Variants in STXBP3 observed in about 807,000 individuals in gnomAD.
The protein encoded by STXBP3 is syntaxin binding protein 3.
A neutral mutation model predicts 85.7 loss-of-function variants in STXBP3; 41 were observed. The observed-to-expected ratio is 0.48, with a 90% confidence interval of 0.37 to 0.62. The LOEUF is 0.62. STXBP3 is among the 20% of genes least tolerant of loss of function. The pLI is 0.00. For missense variants in STXBP3, 563 were observed against 703.1 expected, an observed-to-expected ratio of 0.80 and a Z score of 2.25; for synonymous variants, 229 against 231.7, an observed-to-expected ratio of 0.99 and a Z score of 0.10.
intron 1 of STXBP3, 106 bp from the exon 2 acceptor site, chr1:108,752,142 TTTTATGTAG>T (rs1393194537): frequency 8.9e-6 from 8 of 898,538 alleles, no homozygotes; most frequent in African/African-American, 1.7e-5. Context: ...TATGTATGCT[TTTTATGTAG>T]TTTAACAAAT....
chr1:108,795,386 G>A (rs1385023849), intron 13 of STXBP3, among the ~76,000 whole-genome samples: 1 of 151,870 alleles, frequency 6.6e-6, no homozygotes, highest in African/African-American at 2.4e-5. Flanking sequence ...GAATAAGTTG[G>A]GTGCAGTGGT....
chr1:108,747,182 T>C (rs7553437), intron 1 of STXBP3, among the ~76,000 whole-genome samples: 107,190 of 151,870 alleles, frequency 0.71, 38,808 homozygotes, highest in Non-Finnish European at 0.77. Context: ...CCGAGACAAT[T>C]CGGGCGCTGT....
chr1:108,805,419 ATTTTTTT>A (rs34972308), intron 17 of STXBP3, among the ~76,000 whole-genome samples: 1 of 114,326 alleles, frequency 8.7e-6, no homozygotes, highest in African/African-American at 3.3e-5. Context: ...CTAGATTCAG[ATTTTTTT>A]TTTTTTTTTT....
At chr1:108,788,474 C>T (rs535569450) in intron 11 of STXBP3, among the ~76,000 whole-genome samples, 2 of 152,282 alleles carry the variant, frequency 1.3e-5, no homozygotes, top group South Asian at 2.1e-4. Context: ...ATTGTTACTG[C>T]TTGTTCTATT....
intron 11 of STXBP3, 110 bp from the exon 12 acceptor site, chr1:108,793,472 T>C: frequency 1.1e-6 from 1 of 937,696 alleles, no homozygotes; most frequent in Non-Finnish European, 1.6e-6. Flanking sequence ...TTGTCAAATA[T>C]TCAGTAAATT....
chr1:108,793,721 AT>A, intron 12 of STXBP3, 74 bp downstream of exon 12: 1 of 1,316,216 alleles, frequency 7.6e-7, no homozygotes, highest in Non-Finnish European at 1.1e-6. Context: ...CTGTAGTTCG[AT>A]TTAGCAGTGG....
chr1:108,767,854 T>G (rs978655715), intron 6 of STXBP3, among the ~76,000 whole-genome samples: 2 of 152,080 alleles, frequency 1.3e-5, no homozygotes, highest in Non-Finnish European at 2.9e-5. Flanking sequence ...CCCAAAGTGC[T>G]GGGACAGGCA....
chr1:108,754,479 G>A (rs1661978651), intron 3 of STXBP3, among the ~76,000 whole-genome samples: 1 of 152,174 alleles, frequency 6.6e-6, no homozygotes, highest in African/African-American at 2.4e-5. Context: ...AGCCACTTAA[G>A]TTTTTTAAGT....
intron 13 of STXBP3, among the ~76,000 whole-genome samples, chr1:108,795,887 C>T (rs535321050): frequency 1.8e-3 from 275 of 152,130 alleles, no homozygotes; most frequent in African/African-American, 5.3e-3. Flanking sequence ...TTTTTTGAGA[C>T]GGAGTTTCGC....
At chr1:108,782,099 C>CGTTA (rs1237201282) in intron 9 of STXBP3, 1 of 211,372 alleles carries the variant, frequency 4.7e-6, no homozygotes, top group Non-Finnish European at 9.4e-6. Flanking sequence ...GAACACAAAG[C>CGTTA]GTTAGTATAT....
At chr1:108,774,524 G>C (rs896664656) in intron 7 of STXBP3, among the ~76,000 whole-genome samples, 1 of 151,590 alleles carries the variant, frequency 6.6e-6, no homozygotes, top group African/African-American at 2.4e-5. Flanking sequence ...TTAGTACTTA[G>C]AAAAAGTATA....
chr1:108,768,019 C>A (rs533033579), intron 6 of STXBP3, among the ~76,000 whole-genome samples: 6 of 152,276 alleles, frequency 3.9e-5, no homozygotes, highest in Admixed American at 1.3e-4. Context: ...AATTTTTTAG[C>A]TGGGCATATA....
In STXBP3 at chr1:108,771,758, C is replaced by A. The variant is rs1381234806; in HGVS notation, c.439-907C>A. Among the ~76,000 whole-genome samples, 14 of 25,076 alleles carry A rather than the reference C, an allele frequency of 5.6e-4. 4 individuals carry two copies. The highest frequency in any genetic ancestry group is 1.1e-3 in the Non-Finnish European group (12 of 11,270). 16.5% of individuals were successfully genotyped at this position (25,076 alleles called of 152,430 possible). A position where few individuals can be genotyped will look rare whatever the true frequency, so the allele number is the denominator to read the frequency against. On this transcript the variant is annotated intron_variant, in intron 6 of 18. Coordinates refer to ENST00000370008, the MANE Select transcript of STXBP3 (RefSeq NM_007269.4). The stretch of plus-strand genomic sequence containing the variant: ...TATCATATATAAATATATATGATAT[C>A]TATCTATATATCATATATAAATATA...
intron 8 of STXBP3, among the ~76,000 whole-genome samples, 184 bp from the exon 9 acceptor site, chr1:108,779,102 T>C (rs1662659214): frequency 6.6e-6 from 1 of 152,210 alleles, no homozygotes; most frequent in Non-Finnish European, 1.5e-5. Flanking sequence ...CTCAGATTTT[T>C]CTTTGTTTTA....
At chr1:108,775,286 A>G (rs532655793) in intron 7 of STXBP3, among the ~76,000 whole-genome samples, 5 of 152,008 alleles carry the variant, frequency 3.3e-5, no homozygotes, top group African/African-American at 7.2e-5. Context: ...TTTTTCTTAA[A>G]TAATTTTTGT....
At position 108,772,738 on chromosome 1, in the gene STXBP3, A is replaced by T. The variant is rs1312041709; in HGVS notation, c.512A>T (p.Asp171Val). The change falls in exon 7 of 19, where the codon GAT (aspartate) becomes GTT (valine). Residue 171 changes from aspartate (D) to valine (V), a missense_variant. Asp to Val is a radical substitution (Grantham distance 152). Coordinates refer to ENST00000370008, the MANE Select transcript of STXBP3 (RefSeq NM_007269.4). The stretch of plus-strand genomic sequence containing the variant: ...GACCCTGGTAATGCAAAGGGAAAAG[A>T]TGCCATTATGGAAACAATGGCTGAC... The part of the protein sequence containing the change: ...SPDPGNAKGK[D>V]AIMETMADQI... The T allele has an allele frequency of 7.5e-6, 12 of 1,605,150 alleles. No individual in the cohort carries two copies. Among genetic ancestry groups the T allele is most frequent in the Non-Finnish European group, 1.0e-5 (12 of 1,175,462 alleles).
rs769866825 is a variant in STXBP3 at position 108,759,971 on chromosome 1, T to A, written c.338-14T>A. 2.9e-5 allele frequency: 44 copies of A among 1,496,032 alleles called. 2 individuals are homozygous for A. In the South Asian group the frequency reaches 5.2e-4, roughly 18 times the overall value. The allele number at this position is 1,496,032 out of a possible 1,614,324, so 92.7% of individuals were successfully genotyped here. A position where few individuals can be genotyped will look rare whatever the true frequency, so the allele number is the denominator to read the frequency against. On this transcript the variant is annotated splice_polypyrimidine_tract_variant and intron_variant, in intron 5 of 18. Transcript: ENST00000370008. Reference sequence around the variant, plus strand: ...CTAGATGTAACTATATGCTTTGTTTTTTTTTCCCCTCAGTTTGCCCTGATA... The same window carrying A: ...CTAGATGTAACTATATGCTTTGTTTATTTTTCCCCTCAGTTTGCCCTGATA...
At chr1:108,807,257 C>CAAAAA (rs201346701) in intron 17 of STXBP3, 144 bp from the exon 18 acceptor site, 229 of 699,340 alleles carry the variant, frequency 3.3e-4, no homozygotes, top group Admixed American at 7.0e-4. Flanking sequence ...GACTCCACCT[C>CAAAAA]AAAAAAAAAA....
Position 108,794,895 on chromosome 1 carries a change from C to T in STXBP3, c.1098C>T (p.Cys366=). ...NKFKLNIEKL[C]KTEQDLALGT... is the part of the protein sequence containing the mutation. ...TCAAGCTTAATATAGAAAAGCTCTG[C>T]AAAACTGAACAGGTATGTGCAGAGT... is the stretch of plus-strand genomic sequence containing the variant. The change falls in exon 13 of 19, where the codon TGC becomes TGT. Residue 366 remains cysteine, a synonymous_variant. Transcript: ENST00000370008. 1.9e-6 allele frequency: 3 copies of T among 1,605,210 alleles called. No homozygotes were observed. The highest frequency in any genetic ancestry group is 2.6e-6 in the Non-Finnish European group (3 of 1,174,936).
Sources: allele counts gnomAD v4.1 joint callset (sites outside exome capture counted in the v4.1 genomes callset), GRCh38; gene constraint gnomAD v4.1.1; transcripts MANE v1.5; gene names NCBI Gene and HGNC (gene_info 2026-07-23, HGNC 2026-07-21).